The following TMPRSS4 variants were observed in gnomAD, a reference collection of about 807,000 sequenced individuals.
TMPRSS4 encodes transmembrane protease serine 4.
Under a neutral mutation model 56.4 loss-of-function variants are expected in TMPRSS4, and 45 were observed. The ratio of observed to expected loss-of-function variants is 0.80; its 90% confidence interval spans 0.63 to 1.02. The LOEUF (loss-of-function observed/expected upper bound fraction) is 1.02, where lower values mean the gene tolerates loss of function less well. TMPRSS4 is among the 50% of genes least tolerant of loss of function. TMPRSS4 has a pLI of 0.00. For missense variants in TMPRSS4, 546 were observed against 556.7 expected, an observed-to-expected ratio of 0.98 and a Z score of 0.19; for synonymous variants, 205 against 211.0, an observed-to-expected ratio of 0.97 and a Z score of 0.25.
chr11:118,089,168 C>A (rs924684690), intron 1 of TMPRSS4, among the ~76,000 whole-genome samples: 1 of 152,190 alleles, frequency 6.6e-6, no homozygotes, highest in African/African-American at 2.4e-5. Flanking sequence ...CACCTACCTC[C>A]CTGCCCATGA....
intron 1 of TMPRSS4, among the ~76,000 whole-genome samples, chr11:118,082,578 G>GAAAT: frequency 6.6e-6 from 1 of 151,476 alleles, no homozygotes; most frequent in African/African-American, 2.4e-5. Context: ...AAGAAAGAAA[G>GAAAT]AAAGAAATTG....
intron 1 of TMPRSS4, among the ~76,000 whole-genome samples, chr11:118,086,022 G>A (rs1945529427): frequency 6.6e-6 from 1 of 152,236 alleles, no homozygotes; most frequent in African/African-American, 2.4e-5. Flanking sequence ...TCACCTGGAA[G>A]CAGGGCCCTC....
At chr11:118,082,131 A>G (rs892528918) in intron 1 of TMPRSS4, among the ~76,000 whole-genome samples, 1 of 152,204 alleles carries the variant, frequency 6.6e-6, no homozygotes, top group African/African-American at 2.4e-5. Context: ...TAATAGCTAC[A>G]GCGGCAGTAT....
chr11:118,102,506 G>A (rs185080014), intron 3 of TMPRSS4, among the ~76,000 whole-genome samples: 2 of 152,228 alleles, frequency 1.3e-5, no homozygotes, highest in Non-Finnish European at 2.9e-5. Context: ...TCAGGAGGTC[G>A]AGAGCAGCCC....
rs1946048128 is a variant in TMPRSS4 at position 118,092,692 on chromosome 11, G to A, written c.4-2124G>A. On this transcript the variant is annotated intron_variant, in intron 1 of 12. Coordinates refer to ENST00000437212, the MANE Select transcript of TMPRSS4 (RefSeq NM_019894.4). ...AGGCAGTCTGCTCTGGGAAAGAGCT[G>A]TTACCAACTTTGTTTAAACTATAAA... 2.0e-5 allele frequency among the ~76,000 whole-genome samples: 3 copies of A among 152,220 alleles called. No individual in the cohort carries two copies. In the South Asian group the frequency reaches 6.2e-4, roughly 32 times the overall value.
chr11:118,105,753 G>A (rs550639868), intron 5 of TMPRSS4: 2 of 152,118 alleles, frequency 1.3e-5, no homozygotes, highest in East Asian at 3.9e-4. Flanking sequence ...GATTCTAACA[G>A]ACTGGACCCA....
At chr11:118,114,666 T>A (rs1432165430) in intron 9 of TMPRSS4, among the ~76,000 whole-genome samples, 163 bp from the exon 10 acceptor site, 2 of 152,184 alleles carry the variant, frequency 1.3e-5, no homozygotes, top group Non-Finnish European at 2.9e-5. Flanking sequence ...GTTTGCCTAT[T>A]AAAGGCGTGC....
intron 1 of TMPRSS4, among the ~76,000 whole-genome samples, chr11:118,088,001 G>A (rs539035678): frequency 2.7e-5 from 4 of 148,620 alleles, no homozygotes; most frequent in East Asian, 2.1e-4. Flanking sequence ...CCTTCACACC[G>A]AGGAAGAGCT....
intron 11 of TMPRSS4, among the ~76,000 whole-genome samples, chr11:118,116,957 C>T (rs1382039628): frequency 2.0e-5 from 3 of 152,168 alleles, no homozygotes; most frequent in South Asian, 2.1e-4. Context: ...GTGATTCACC[C>T]GCCTCAGCCT....
At chr11:118,111,659 C>A in intron 7 of TMPRSS4, 82 bp from the exon 8 acceptor site, 1 of 1,198,304 alleles carries the variant, frequency 8.3e-7, no homozygotes, top group South Asian at 1.7e-5. Flanking sequence ...CTGCTTAGAG[C>A]AGATTTTGGG....
At position 118,111,782 on chromosome 11, in the gene TMPRSS4, G is replaced by A; in HGVS notation, c.625G>A (p.Glu209Lys). 1.9e-6 allele frequency: 3 copies of A among 1,603,962 alleles called. No individual in the cohort carries two copies. The highest frequency in any genetic ancestry group is 2.6e-6 in the Non-Finnish European group (3 of 1,175,630). Residue 209 changes from glutamate to lysine, a missense_variant, in exon 8 of 13, where the codon GAG (glutamate) becomes AAG (lysine). By Grantham distance (56) the Glu-to-Lys change is moderately conservative. Transcript: ENST00000437212. ...GAAGACCCCCCGTGTGGTGGGTGTG[G>A]AGGAGGCCTCTGTGGATTCTTGGCC... ...SLKTPRVVGV[E>K]EASVDSWPWQ...
At chr11:118,091,238 C>T (rs1296681951) in intron 1 of TMPRSS4, among the ~76,000 whole-genome samples, 1 of 152,176 alleles carries the variant, frequency 6.6e-6, no homozygotes, top group Non-Finnish European at 1.5e-5. Context: ...CACCAACCTC[C>T]TCTCTCCTTA....
At chr11:118,125,336 T>G (rs1419011186), downstream of TMPRSS4, 1 of 456,570 alleles carries the variant, frequency 2.2e-6, no homozygotes, top group Admixed American at 2.3e-5. Flanking sequence ...CAGGGACAGG[T>G]CTTGTGATTC....
chr11:118,122,119 C>G (rs560752392), downstream of TMPRSS4, among the ~76,000 whole-genome samples: 1 of 151,860 alleles, frequency 6.6e-6, no homozygotes, highest in East Asian at 1.9e-4. Context: ...AGGAAGAGCA[C>G]TAAGGAGGGA....
At chr11:118,098,522 A>C (rs1946536606) in intron 2 of TMPRSS4, among the ~76,000 whole-genome samples, 1 of 152,250 alleles carries the variant, frequency 6.6e-6, no homozygotes, top group Non-Finnish European at 1.5e-5. Flanking sequence ...GTATTTATTA[A>C]GCCTCTACTA....
chr11:118,094,712 C>T (rs1321069168), intron 1 of TMPRSS4, 104 bp from the exon 2 acceptor site: 22 of 1,020,338 alleles, frequency 2.2e-5, no homozygotes, highest in Non-Finnish European at 3.0e-5. Flanking sequence ...CCAACGTAGA[C>T]TCAGGGAGAA....
intron 2 of TMPRSS4, among the ~76,000 whole-genome samples, chr11:118,097,166 G>C (rs1946448713): frequency 6.7e-6 from 1 of 150,188 alleles, no homozygotes; most frequent in African/African-American, 2.4e-5. Context: ...ACCAAGCACT[G>C]TTCTAGGCAC....
chr11:118,118,063 A>G lies in TMPRSS4; in HGVS notation c.*150A>G. The G allele has an allele frequency of 6.6e-7, 1 of 1,513,492 alleles. No homozygotes were observed. Among genetic ancestry groups the G allele is most frequent in the Non-Finnish European group, 8.8e-7 (1 of 1,137,006 alleles). The allele number at this position is 1,513,492 out of a possible 1,614,324, so 93.8% of individuals were successfully genotyped here. A position where few individuals can be genotyped will look rare whatever the true frequency, so the allele number is the denominator to read the frequency against. On this transcript the variant is annotated 3_prime_UTR_variant, in exon 13 of 13. Coordinates refer to ENST00000437212, the MANE Select transcript of TMPRSS4 (RefSeq NM_019894.4). ...TTTCTTGGAGCAGCAAAGGGCCTCA[A>G]TTCCTATAAGAGACCCTCGCAGCCC...
chr11:118,092,062 A>G (rs1188412684), intron 1 of TMPRSS4, among the ~76,000 whole-genome samples: 1 of 152,196 alleles, frequency 6.6e-6, no homozygotes, highest in Non-Finnish European at 1.5e-5. Flanking sequence ...TTAAAAATAA[A>G]ATGTTAAATT....
Sources: gnomAD v4.1 joint callset for allele counts (sites outside exome capture counted in the v4.1 genomes callset) on GRCh38, gnomAD v4.1.1 for gene constraint, MANE v1.5 for transcripts, NCBI Gene and HGNC (gene_info 2026-07-23, HGNC 2026-07-21) for gene names.